UBE2D2: variants seen among roughly 807,000 people sequenced by gnomAD.
UBE2D2 encodes the protein ubiquitin conjugating enzyme E2 D2.
UBE2D2 carries 2 observed loss-of-function variants against 24.2 expected under a neutral mutation model. That is an observed-to-expected ratio of 0.08 (90% CI 0.03 to 0.26). The LOEUF (loss-of-function observed/expected upper bound fraction) is 0.26, where lower values mean the gene tolerates loss of function less well. Among genes scored for constraint, UBE2D2 ranks in the 10% least tolerant of loss-of-function variants. The probability of loss-of-function intolerance (pLI) is 1.00; values close to 1 mark genes in which losing one functional copy is unlikely to be tolerated. For missense variants in UBE2D2, 44 were observed against 177.6 expected (o/e 0.25, Z 4.28); for synonymous variants, 58 against 56.5 (o/e 1.03, Z -0.12).
At chr5:139,624,722 G>A (rs938441207) in intron 6 of UBE2D2, among the ~76,000 whole-genome samples, 2 of 152,148 alleles carry the variant, frequency 1.3e-5, no homozygotes, top group Non-Finnish European at 2.9e-5. Context: ...TTTAGGTTGC[G>A]GTGAGCTGAA....
chr5:139,592,322 T>C (rs914013026), intron 1 of UBE2D2, among the ~76,000 whole-genome samples: 2 of 151,846 alleles, frequency 1.3e-5, no homozygotes, highest in African/African-American at 4.9e-5. Context: ...CCCTCAAATC[T>C]TCTTGGTAGT....
chr5:139,553,463 A>G (rs1203031889), intron 1 of UBE2D2, among the ~76,000 whole-genome samples: 1 of 152,166 alleles, frequency 6.6e-6, no homozygotes, highest in East Asian at 1.9e-4. Context: ...CACAGCTGTC[A>G]GCTGTGGGAA....
intron 1 of UBE2D2, among the ~76,000 whole-genome samples, chr5:139,583,306 G>A (rs1304953712): frequency 6.6e-6 from 1 of 152,132 alleles, no homozygotes; most frequent in Non-Finnish European, 1.5e-5. Context: ...ATTGCTGAGA[G>A]TAGATTTTTT....
In UBE2D2 at chr5:139,628,058, T is replaced by C. The variant is rs1165635010; in HGVS notation, c.*1257T>C. 6.5e-6 allele frequency: 1 copy of C among 152,674 alleles called. No homozygotes were observed. Among genetic ancestry groups the C allele is most frequent in the Non-Finnish European group, 1.5e-5 (1 of 68,048 alleles). 9.5% of individuals were successfully genotyped at this position (152,674 alleles called of 1,614,324 possible). ...TATTTGGTAAGTTAAGCTTCTGTGA[T>C]TGTAATTATAAAAGAGCAACATTGA... On this transcript the variant is annotated 3_prime_UTR_variant, in exon 7 of 7. Coordinates refer to ENST00000398733, the MANE Select transcript of UBE2D2 (RefSeq NM_003339.3).
Position 139,627,912 on chromosome 5 carries a change from T to G in UBE2D2, c.*1111T>G, listed in dbSNP as rs1210640992. On this transcript the variant is annotated 3_prime_UTR_variant, in exon 7 of 7. Coordinates refer to ENST00000398733, the MANE Select transcript of UBE2D2 (RefSeq NM_003339.3). ...TTCCATGAAACAACACATGCAGCATTCCAGGAACTTGATTGTTAAATTCAA... is the reference window on the plus strand; with the variant it reads ...TTCCATGAAACAACACATGCAGCATGCCAGGAACTTGATTGTTAAATTCAA... The G allele has an allele frequency of 6.6e-6, 1 of 152,658 alleles. No individual in the cohort carries two copies. The allele number at this position is 152,658 out of a possible 1,614,324, so 9.5% of individuals were successfully genotyped here.
chr5:139,603,454 C>G (rs1424761560), intron 2 of UBE2D2, among the ~76,000 whole-genome samples: 4 of 151,836 alleles, frequency 2.6e-5, no homozygotes, highest in Admixed American at 6.6e-5. Context: ...GAAACCCTGT[C>G]TCTACTAAAA....
rs60626896 is a variant in UBE2D2, at chr5:139,611,175, C to CTTT, written c.89-3385_89-3383dup. Among the ~76,000 whole-genome samples the CTTT allele has an allele frequency of 2.3e-3, 135 of 58,784 alleles. 5 individuals are homozygous for CTTT. The highest frequency in any genetic ancestry group is 7.7e-3 in the African/African-American group (115 of 14,910). 38.6% of individuals were successfully genotyped at this position (58,784 alleles called of 152,430 possible). ...TAGTTCTAGATGACAAGTTTTCCTT[C>CTTT]TTTTTTTTTTTTTTTTTTTTTTTTT... On this transcript the variant is annotated intron_variant, in intron 2 of 6. Coordinates refer to ENST00000398733, the MANE Select transcript of UBE2D2 (RefSeq NM_003339.3).
chr5:139,537,632 G>A (rs1752702481), intron 1 of UBE2D2, among the ~76,000 whole-genome samples: 1 of 151,882 alleles, frequency 6.6e-6, no homozygotes, highest in African/African-American at 2.4e-5. Context: ...GGGATTATAG[G>A]CATGAGCCAC....
chr5:139,545,724 T>C (rs2126634928), intron 1 of UBE2D2, among the ~76,000 whole-genome samples: 1 of 150,670 alleles, frequency 6.6e-6, no homozygotes, highest in Admixed American at 6.7e-5. Flanking sequence ...GAGCCCAGCC[T>C]ACATTTTTTT....
intron 1 of UBE2D2, among the ~76,000 whole-genome samples, chr5:139,580,388 A>C (rs1753572178): frequency 6.6e-6 from 1 of 152,094 alleles, no homozygotes; most frequent in South Asian, 2.1e-4. Context: ...TGAATGGCTG[A>C]GGAGAGTGGA....
chr5:139,607,835 G>A (rs998361946), intron 2 of UBE2D2, among the ~76,000 whole-genome samples: 2 of 151,592 alleles, frequency 1.3e-5, no homozygotes, highest in Non-Finnish European at 2.9e-5. Context: ...AGCAAGACCC[G>A]ATCTCTACAA....
rs200885592 is a variant in UBE2D2 at position 139,609,758 on chromosome 5, T to C, written c.89-4828T>C. Among the ~76,000 whole-genome samples the C allele has an allele frequency of 5.3e-5, 8 of 150,888 alleles. No homozygotes were observed. In the East Asian group the frequency reaches 1.2e-3, roughly 22 times the overall value. ...TCTTTTTTAAGTTGTTTTCTTTCTT[T>C]CTTTCTTTTTTTGTTTTTTTGTTTT... On this transcript the variant is annotated intron_variant, in intron 2 of 6. Coordinates refer to ENST00000398733, the MANE Select transcript of UBE2D2 (RefSeq NM_003339.3).
chr5:139,614,185 T>C (rs1254488515), intron 2 of UBE2D2, among the ~76,000 whole-genome samples: 1 of 152,212 alleles, frequency 6.6e-6, no homozygotes, highest in Non-Finnish European at 1.5e-5. Flanking sequence ...TTTGTCTACC[T>C]GACATGAAGT....
chr5:139,556,832 A>G (rs1752986962), upstream of UBE2D2, among the ~76,000 whole-genome samples: 1 of 151,606 alleles, frequency 6.6e-6, no homozygotes, highest in South Asian at 2.1e-4. Flanking sequence ...GAATAGTTCC[A>G]TACTTTTTTT....
At chr5:139,570,199 A>C (rs1753320837) in intron 1 of UBE2D2, among the ~76,000 whole-genome samples, 1 of 152,140 alleles carries the variant, frequency 6.6e-6, no homozygotes, top group Non-Finnish European at 1.5e-5. Flanking sequence ...CCTGGATGAA[A>C]GGTTAAGGCT....
intron 5 of UBE2D2, among the ~76,000 whole-genome samples, chr5:139,617,543 A>G (rs1021205066): frequency 1.3e-5 from 2 of 151,600 alleles, no homozygotes; most frequent in African/African-American, 4.9e-5. Context: ...CGCCTGGCTA[A>G]TTTTTGTATT....
intron 1 of UBE2D2, among the ~76,000 whole-genome samples, chr5:139,538,355 T>C (rs1358608090): frequency 1.3e-5 from 2 of 152,124 alleles, no homozygotes; most frequent in African/African-American, 2.4e-5. Flanking sequence ...TTACTCACAA[T>C]AGCCAAAAGG....
At chr5:139,558,351 G>A (rs1479979721), upstream of UBE2D2, among the ~76,000 whole-genome samples, 4 of 152,206 alleles carry the variant, frequency 2.6e-5, no homozygotes, top group South Asian at 6.2e-4. Flanking sequence ...GCAGTGGCGC[G>A]ATCTCAGCTC....
upstream of UBE2D2, among the ~76,000 whole-genome samples, chr5:139,558,412 T>G (rs1297550209): frequency 6.6e-6 from 1 of 152,064 alleles, no homozygotes; most frequent in African/African-American, 2.4e-5. Context: ...CTCAGCCTCC[T>G]GAGTAGCTGG....
Sources: gnomAD v4.1 joint callset for allele counts (sites outside exome capture counted in the v4.1 genomes callset) on GRCh38, gnomAD v4.1.1 for gene constraint, MANE v1.5 for transcripts, NCBI Gene and HGNC (gene_info 2026-07-23, HGNC 2026-07-21) for gene names.